The following ENPP1 variants were observed in gnomAD, a reference collection of about 807,000 sequenced individuals.
ENPP1 encodes the protein ectonucleotide pyrophosphatase/phosphodiesterase 1.
Under a neutral mutation model 122.8 loss-of-function variants are expected in ENPP1, and 73 were observed. The observed-to-expected ratio is 0.59, with a 90% confidence interval of 0.49 to 0.72. The LOEUF (loss-of-function observed/expected upper bound fraction) is 0.72, where lower values mean the gene tolerates loss of function less well. Among genes scored for constraint, ENPP1 ranks in the 30% least tolerant of loss-of-function variants. The pLI, the probability that ENPP1 is intolerant of heterozygous loss-of-function variation, is 0.00. For synonymous variants in ENPP1, 367 were observed against 391.6 expected (o/e 0.94, Z 0.74); for missense variants, 978 against 1,128.1 (o/e 0.87, Z 1.91).
chr6:131,813,412 G>A (rs1781378022), intron 1 of ENPP1, among the ~76,000 whole-genome samples: 1 of 151,800 alleles, frequency 6.6e-6, no homozygotes. Flanking sequence ...TGCCTGTAGT[G>A]CCAACCACTT....
intron 1 of ENPP1, among the ~76,000 whole-genome samples, chr6:131,823,520 A>G (rs1382092985): frequency 6.6e-6 from 1 of 152,064 alleles, no homozygotes; most frequent in Non-Finnish European, 1.5e-5. Flanking sequence ...CTTCTATGAC[A>G]TTCAGCTCAG....
At chr6:131,813,464 A>G (rs1034833493) in intron 1 of ENPP1, among the ~76,000 whole-genome samples, 3 of 151,654 alleles carry the variant, frequency 2.0e-5, no homozygotes, top group Non-Finnish European at 2.9e-5. Context: ...TGGGAGGCGG[A>G]GGTTGCAGTG....
intron 1 of ENPP1, among the ~76,000 whole-genome samples, chr6:131,821,525 G>A (rs940092283): frequency 7.9e-5 from 12 of 152,164 alleles, no homozygotes; most frequent in African/African-American, 2.7e-4. Context: ...ACATGGCACA[G>A]TCTCCTCCCT....
rs769116201 is a variant in ENPP1 at position 131,860,406 on chromosome 6, A to G, written c.815A>G (p.His272Arg). Residue 272 changes from histidine (H) to arginine (R), a missense_variant, in exon 8 of 25, where the codon CAT (histidine) becomes CGT (arginine). His to Arg is a conservative substitution (Grantham distance 29, BLOSUM62 0). Around this residue, in one of 3 missense-constraint regions of ENPP1, gnomAD observed 644 missense variants for 781.5 expected, o/e 0.82. Coordinates refer to ENST00000647893, the MANE Select transcript of ENPP1 (RefSeq NM_006208.3). ...SIVTGLYPESHGIIDNKMYDP... is the reference protein window; with the variant it reads ...SIVTGLYPESRGIIDNKMYDP... ...TTTTAGGGATTGTATCCAGAATCTC[A>G]TGGCATAATCGACAATAAAATGTAT... 10 of 1,598,378 alleles carry G rather than the reference A, an allele frequency of 6.3e-6. No individual in the cohort carries two copies. Among genetic ancestry groups the G allele is most frequent in the Non-Finnish European group, 6.9e-6 (8 of 1,166,402 alleles).
At chr6:131,828,633 G>A (rs1329864042) in intron 1 of ENPP1, among the ~76,000 whole-genome samples, 1 of 152,148 alleles carries the variant, frequency 6.6e-6, no homozygotes, top group Non-Finnish European at 1.5e-5. Context: ...TGAGGCTAAT[G>A]AGTGTGGTAT....
At position 131,893,180 on chromosome 6, in the gene ENPP1, C is replaced by T. The variant is rs754471951; in HGVS notation, c.*2669C>T. The T allele has an allele frequency of 6.6e-6, 1 of 152,094 alleles. No individual in the cohort carries two copies. The highest frequency in any genetic ancestry group is 2.4e-5 in the African/African-American group (1 of 41,400). The allele number at this position is 152,094 out of a possible 1,614,324, so 9.4% of individuals were successfully genotyped here. A position where few individuals can be genotyped will look rare whatever the true frequency, so the allele number is the denominator to read the frequency against. ...CATATTTTTCCAGCACACAAACATA[C>T]ACAATTTAACTCAAAGCATCTTAGC... On this transcript the variant is annotated 3_prime_UTR_variant, in exon 25 of 25. Transcript: ENST00000647893.
intron 8 of ENPP1, among the ~76,000 whole-genome samples, chr6:131,860,745 G>A (rs1355333318): frequency 6.6e-6 from 1 of 151,976 alleles, no homozygotes; most frequent in African/African-American, 2.4e-5. Context: ...TTTCTTTTCT[G>A]ATCAATTCTT....
At position 131,868,003 on chromosome 6, in the gene ENPP1, G is replaced by A; in HGVS notation, c.1165-15G>A. The A allele has an allele frequency of 6.4e-7, 1 of 1,562,844 alleles. No homozygotes were observed. Among genetic ancestry groups the A allele is most frequent in the Non-Finnish European group, 8.8e-7 (1 of 1,135,286 alleles). The stretch of plus-strand genomic sequence containing the variant: ...GTGGAAGGTATCACATGAGGTTGTT[G>A]CTTCCCATTCTTAGGTCATCAAAGC... On this transcript the variant is annotated splice_polypyrimidine_tract_variant and intron_variant, in intron 11 of 24. Transcript: ENST00000647893.
chr6:131,865,011 G>T (rs772856264), intron 11 of ENPP1, 73 bp downstream of exon 11: 14 of 897,184 alleles, frequency 1.6e-5, no homozygotes, highest in Non-Finnish European at 2.5e-5. Context: ...GAAGGAGGCT[G>T]CTAGACCATT....
In ENPP1 at chr6:131,893,949, CTTTTTTTTTTTTTTTT is replaced by C. The variant is rs564304453; in HGVS notation, c.*3453_*3468del. Reference sequence around the variant, plus strand: ...GTGAAACCTTTATTTATCTTGATTTCTTTTTTTTTTTTTTTTTTTTTTTTTTTTTTGAGATGCTCTG... The same window carrying C: ...GTGAAACCTTTATTTATCTTGATTTCTTTTTTTTTTTTTTGAGATGCTCTG... On this transcript the variant is annotated 3_prime_UTR_variant, in exon 25 of 25. Transcript: ENST00000647893. 3.4e-5 allele frequency: 2 copies of C among 59,476 alleles called. No individual in the cohort carries two copies. Among genetic ancestry groups the C allele is most frequent in the African/African-American group, 6.9e-5 (1 of 14,552 alleles). The allele number at this position is 59,476 out of a possible 1,614,324, so 3.7% of individuals were successfully genotyped here.
At position 131,891,149 on chromosome 6, in the gene ENPP1, C is replaced by T. The variant is rs1297017053; in HGVS notation, c.*638C>T. On this transcript the variant is annotated 3_prime_UTR_variant, in exon 25 of 25. Coordinates refer to ENST00000647893, the MANE Select transcript of ENPP1 (RefSeq NM_006208.3). Reference sequence around the variant, plus strand: ...GATTTAATGGTTCAAATGAGTTCAACTTTGAGGGACGATCTTTGAATATAC... The same window carrying T: ...GATTTAATGGTTCAAATGAGTTCAATTTTGAGGGACGATCTTTGAATATAC... The T allele has an allele frequency of 6.6e-6, 1 of 152,158 alleles. No homozygotes were observed. The highest frequency in any genetic ancestry group is 2.4e-5 in the African/African-American group (1 of 41,384). 9.4% of individuals were successfully genotyped at this position (152,158 alleles called of 1,614,324 possible).
intron 8 of ENPP1, 33 bp downstream of exon 8, chr6:131,860,539 A>C (rs1209035044): frequency 6.7e-7 from 1 of 1,494,552 alleles, no homozygotes; most frequent in Non-Finnish European, 9.3e-7. Flanking sequence ...AAAATAGTTA[A>C]TTATTCTCAT....
In ENPP1 at chr6:131,890,631, C is replaced by A; in HGVS notation, c.*120C>A. On this transcript the variant is annotated 3_prime_UTR_variant, in exon 25 of 25. Coordinates refer to ENST00000647893, the MANE Select transcript of ENPP1 (RefSeq NM_006208.3). ...TCGACCAGAGTTAGAACGGAGCCCT[C>A]GGTGATGCGGACATCTCAGGGAAAC... 2.3e-6 allele frequency: 2 copies of A among 854,354 alleles called. No individual in the cohort carries two copies. The highest frequency in any genetic ancestry group is 3.9e-6 in the Non-Finnish European group (2 of 516,014). 52.9% of individuals were successfully genotyped at this position (854,354 alleles called of 1,614,324 possible).
intron 1 of ENPP1, among the ~76,000 whole-genome samples, chr6:131,811,115 T>C (rs1781344214): frequency 6.6e-6 from 1 of 152,162 alleles, no homozygotes. Context: ...GACTTGGAGA[T>C]GTATTTAAAT....
rs1289258555 is a variant in ENPP1 at position 131,855,119 on chromosome 6, C to T, written c.715+96C>T. 11 of 914,302 alleles carry T rather than the reference C, an allele frequency of 1.2e-5. No individual in the cohort carries two copies. In the East Asian group the frequency reaches 2.7e-4, roughly 22 times the overall value. The allele number at this position is 914,302 out of a possible 1,614,324, so 56.6% of individuals were successfully genotyped here. On this transcript the variant is annotated intron_variant, in intron 6 of 24. Coordinates refer to ENST00000647893, the MANE Select transcript of ENPP1 (RefSeq NM_006208.3). ...TTGGAAAAGTACTGGCAGAACCTAA[C>T]TGTTTCACTAAACTTTTCTATGGCA...
chr6:131,837,350 A>G (rs1585805204), intron 1 of ENPP1, among the ~76,000 whole-genome samples: 3 of 151,964 alleles, frequency 2.0e-5, no homozygotes, highest in African/African-American at 7.2e-5. Flanking sequence ...ACATGGTGAA[A>G]CCCCGTCTCT....
chr6:131,817,751 C>CCACACACA (rs1289636963), intron 1 of ENPP1, among the ~76,000 whole-genome samples: 6 of 53,950 alleles, frequency 1.1e-4, no homozygotes, highest in Non-Finnish European at 1.0e-4. Flanking sequence ...TTCTCTCTCT[C>CCACACACA]CATACACACA....
intron 6 of ENPP1, among the ~76,000 whole-genome samples, chr6:131,857,471 T>C (rs1445765295): frequency 2.0e-5 from 3 of 150,808 alleles, no homozygotes; most frequent in Non-Finnish European, 4.4e-5. Flanking sequence ...TATGCAGCCA[T>C]AAAAAATGAT....
Position 131,869,468 on chromosome 6 carries a change from G to A in ENPP1, c.1384G>A (p.Val462Ile), listed in dbSNP as rs1192924158. Residue 462 changes from valine to isoleucine, a missense_variant, in exon 13 of 25, where the codon GTC becomes ATC. By Grantham distance (29) the Val-to-Ile change is conservative. Coordinates refer to ENST00000647893, the MANE Select transcript of ENPP1 (RefSeq NM_006208.3). ...GPAARLRPSD[V>I]PDKYYSFNYE... is the part of the protein sequence containing the mutation. ...TGCAGCTCGATTGAGACCCTCTGAT[G>A]TCCCAGATAAATACTATTCATGTAA... 2 of 1,613,374 alleles carry A rather than the reference G, an allele frequency of 1.2e-6. No individual in the cohort carries two copies. The highest frequency in any genetic ancestry group is 1.7e-6 in the Non-Finnish European group (2 of 1,179,468).
Sources: gnomAD v4.1 joint callset for allele counts (sites outside exome capture counted in the v4.1 genomes callset) on GRCh38, gnomAD v4.1.1 for gene constraint, gnomAD v4.1.1 regional missense constraint, MANE v1.5 for transcripts, NCBI Gene and HGNC (gene_info 2026-07-23, HGNC 2026-07-21) for gene names.